Variants in PROM1 observed in about 807,000 individuals in gnomAD.
PROM1 encodes the protein prominin 1.
PROM1 carries 105 observed loss-of-function variants against 116.9 expected under a neutral mutation model. The observed-to-expected ratio is 0.90, with a 90% CI of 0.77 to 1.06. The LOEUF (loss-of-function observed/expected upper bound fraction) is 1.06, where lower values mean the gene tolerates loss of function less well. PROM1 is among the 50% of genes least tolerant of loss of function. The pLI is 0.00. For missense variants in PROM1, 1,122 were observed against 1,045.2 expected (o/e 1.07, Z -1.01); for synonymous variants, 393 against 387.0 (o/e 1.02, Z -0.18).
intron 2 of PROM1, among the ~76,000 whole-genome samples, chr4:16,066,000 A>C (rs972612045): frequency 6.6e-5 from 10 of 152,216 alleles, no homozygotes; most frequent in African/African-American, 1.9e-4. Flanking sequence ...GGCAGAGATG[A>C]GAGTGATCCT....
chr4:16,045,346 T>G (rs74501824), intron 2 of PROM1, among the ~76,000 whole-genome samples: 2 of 152,016 alleles, frequency 1.3e-5, no homozygotes, highest in South Asian at 2.1e-4. Context: ...ATACAGAGGA[T>G]CCAGTGGAGA....
chr4:16,075,628 A>C, intron 2 of PROM1, 59 bp downstream of exon 2: 2 of 1,474,040 alleles, frequency 1.4e-6, no homozygotes, highest in Middle Eastern at 1.7e-4. Context: ...GACATTAAAA[A>C]ACAATATTGT....
In PROM1 at chr4:16,015,345, C is replaced by CAAAAA. The variant is rs71649934; in HGVS notation, c.1077+816_1077+820dup. On this transcript the variant is annotated intron_variant, in intron 10 of 27. Transcript: ENST00000447510. ...TGGGCAACAGCGCAAGACTCCATCT[C>CAAAAA]AAAAAAAAAAAAAAAAAAAAAGAAG... Among the ~76,000 whole-genome samples, 433 of 51,372 alleles carry CAAAAA rather than the reference C, an allele frequency of 8.4e-3. 27 individuals are homozygous for CAAAAA. Among genetic ancestry groups the CAAAAA allele is most frequent in the Non-Finnish European group, 9.2e-3 (281 of 30,480 alleles). The allele number at this position is 51,372 out of a possible 152,430, so 33.7% of individuals were successfully genotyped here.
intron 2 of PROM1, among the ~76,000 whole-genome samples, chr4:16,046,760 G>A (rs1455544537): frequency 2.0e-5 from 3 of 152,192 alleles, no homozygotes; most frequent in African/African-American, 7.2e-5. Context: ...TGACCCCATC[G>A]ACTCACGGAA....
chr4:16,037,335 T>C (rs1356184231), intron 3 of PROM1, among the ~76,000 whole-genome samples: 2 of 152,158 alleles, frequency 1.3e-5, no homozygotes, highest in African/African-American at 4.8e-5. Context: ...GGAATGAAAA[T>C]GCTTTCCACG....
intron 5 of PROM1, 117 bp downstream of exon 5, chr4:16,033,187 T>A: frequency 1.2e-6 from 1 of 868,958 alleles, no homozygotes; most frequent in Admixed American, 3.1e-5. Flanking sequence ...GTTTGGTGGG[T>A]TTTTTTTTCA....
rs181190496 is a variant in PROM1, at chr4:16,066,690, A to G, written c.220+8997T>C. Among the ~76,000 whole-genome samples, 605 of 152,296 alleles carry G rather than the reference A, an allele frequency of 4.0e-3. 5 individuals carry two copies. Among genetic ancestry groups the G allele is most frequent in the Non-Finnish European group, 6.5e-3 (442 of 68,026 alleles). ...CTCTAGGGGTAAATCTCAAGACTTCATTTCTGCTCAAGCCCAGTGGACAAA... is the reference window on the plus strand; with the variant it reads ...CTCTAGGGGTAAATCTCAAGACTTCGTTTCTGCTCAAGCCCAGTGGACAAA... On this transcript the variant is annotated intron_variant, in intron 2 of 27. Coordinates refer to ENST00000447510, the MANE Select transcript of PROM1 (RefSeq NM_006017.3).
At chr4:16,059,047 T>C (rs1449929923) in intron 2 of PROM1, among the ~76,000 whole-genome samples, 1 of 152,170 alleles carries the variant, frequency 6.6e-6, no homozygotes, top group Non-Finnish European at 1.5e-5. Flanking sequence ...TCAGAATCAC[T>C]CCACTTGTTT....
intron 2 of PROM1, among the ~76,000 whole-genome samples, chr4:16,071,491 G>A (rs1399507966): frequency 1.3e-5 from 2 of 152,208 alleles, no homozygotes; most frequent in Admixed American, 1.3e-4. Flanking sequence ...ACATGATGGT[G>A]TTTGGAGGTG....
chr4:15,987,836 T>C (rs1719850169), intron 19 of PROM1, 120 bp from the exon 20 acceptor site: 3 of 793,826 alleles, frequency 3.8e-6, no homozygotes, highest in Non-Finnish European at 6.1e-6. Context: ...AATGGTTTCA[T>C]TCTAGAAAAA....
At chr4:16,060,118 C>CG (rs1388224222) in intron 2 of PROM1, among the ~76,000 whole-genome samples, 3 of 152,002 alleles carry the variant, frequency 2.0e-5, no homozygotes, top group Admixed American at 6.6e-5. Flanking sequence ...TAAAGGGAGG[C>CG]GGGGGGCTGA....
At chr4:16,059,879 A>T (rs953950295) in intron 2 of PROM1, among the ~76,000 whole-genome samples, 2 of 152,234 alleles carry the variant, frequency 1.3e-5, no homozygotes, top group Non-Finnish European at 2.9e-5. Context: ...AATGGTAGTA[A>T]GACTGTTAGG....
chr4:16,016,573 T>A lies in PROM1; in HGVS notation c.1003-333A>T, dbSNP rs1298963639. 2.0e-5 allele frequency among the ~76,000 whole-genome samples: 3 copies of A among 152,204 alleles called. 1 individual carries two copies. Among genetic ancestry groups the A allele is most frequent in the South Asian group, 4.1e-4 (2 of 4,832 alleles). On this transcript the variant is annotated intron_variant, in intron 9 of 27. Transcript: ENST00000447510. Reference sequence around the variant, plus strand: ...TTGTAAACAACCTTTTTAAAGTCACTTTTAAAAGCAATGTAGTCAGTGGTT... The same window carrying A: ...TTGTAAACAACCTTTTTAAAGTCACATTTAAAAGCAATGTAGTCAGTGGTT...
intron 12 of PROM1, among the ~76,000 whole-genome samples, chr4:16,007,453 C>G (rs1725812645): frequency 6.6e-6 from 1 of 152,208 alleles, no homozygotes; most frequent in Non-Finnish European, 1.5e-5. Context: ...AAAGAATTTA[C>G]TTCTGCTTGG....
Position 15,998,429 on chromosome 4 carries a change from T to C in PROM1, c.1638A>G (p.Leu546=), listed in dbSNP as rs189940219. ...TGAGCTTCATTTTTGATTTATTAAA[T>C]AGCTTCCCAGAGAGATAGTATTCCC... ...EDWEYYLSGK[L]FNKSKMKLTF... The change falls in exon 15 of 28, where the codon CTA becomes CTG. Residue 546 remains leucine, a synonymous_variant. Transcript: ENST00000447510. 2.0e-5 allele frequency: 32 copies of C among 1,609,490 alleles called. No homozygotes were observed. The highest frequency in any genetic ancestry group is 3.3e-4 in the Middle Eastern group (2 of 6,050).
intron 12 of PROM1, among the ~76,000 whole-genome samples, chr4:16,007,721 T>C (rs1460848408): frequency 6.6e-6 from 1 of 152,186 alleles, no homozygotes; most frequent in African/African-American, 2.4e-5. Flanking sequence ...GGCAGTCAGG[T>C]AGACAGGTAA....
intron 9 of PROM1, 121 bp downstream of exon 9, chr4:16,018,202 G>C (rs1339419653): frequency 2.3e-6 from 2 of 876,302 alleles, no homozygotes; most frequent in Non-Finnish European, 1.8e-6. Context: ...GCTGATAGAG[G>C]CCAGGGGCTA....
intron 18 of PROM1, 97 bp from the exon 19 acceptor site, chr4:15,989,921 A>G (rs1720572966): frequency 1.1e-6 from 1 of 937,552 alleles, no homozygotes. Flanking sequence ...GAGGGCTGCC[A>G]TGACATAAGC....
rs566540681 is a variant in PROM1, at chr4:15,998,223, T to C, written c.1682+162A>G. ...AAGGCTTTCAGTAGAAGGAATATATTTTTGATCTAATTTCTACTGTGTCTT... is the reference window on the plus strand; with the variant it reads ...AAGGCTTTCAGTAGAAGGAATATATCTTTGATCTAATTTCTACTGTGTCTT... On this transcript the variant is annotated intron_variant, in intron 15 of 27. Coordinates refer to ENST00000447510, the MANE Select transcript of PROM1 (RefSeq NM_006017.3). Among the ~76,000 whole-genome samples, 5 of 152,352 alleles carry C rather than the reference T, an allele frequency of 3.3e-5. No individual in the cohort carries two copies. The East Asian group carries it at 5.8e-4, about 18-fold the overall frequency.
Sources: gnomAD v4.1 joint callset for allele counts (sites outside exome capture counted in the v4.1 genomes callset) on GRCh38, gnomAD v4.1.1 for gene constraint, MANE v1.5 for transcripts, NCBI Gene and HGNC (gene_info 2026-07-23, HGNC 2026-07-21) for gene names.